Variants in XRCC1 observed in about 807,000 individuals in gnomAD.
XRCC1 encodes DNA repair protein XRCC1.
Under a neutral mutation model 83.3 loss-of-function variants are expected in XRCC1, and 52 were observed. The observed-to-expected ratio is 0.62, with a 90% confidence interval of 0.50 to 0.79. The LOEUF (loss-of-function observed/expected upper bound fraction) is 0.79. XRCC1 is among the 30% of genes least tolerant of loss of function. The pLI, the probability that XRCC1 is intolerant of heterozygous loss-of-function variation, is 0.00. For missense variants in XRCC1, 793 were observed against 823.5 expected, an observed-to-expected ratio of 0.96 and a Z score of 0.45; for synonymous variants, 281 against 312.6, an observed-to-expected ratio of 0.90 and a Z score of 1.07.
intron 2 of XRCC1, among the ~76,000 whole-genome samples, chr19:43,562,387 C>T (rs534376943): frequency 2.6e-5 from 4 of 152,068 alleles, no homozygotes; most frequent in South Asian, 2.1e-4. Context: ...CCTTGGGTGA[C>T]GTATTCAACG....
rs1235431712 is a variant in XRCC1 at position 43,548,055 on chromosome 19, G to GCCC, written c.1200-1079_1200-1078insGGG. 4.1e-4 allele frequency among the ~76,000 whole-genome samples: 57 copies of GCCC among 140,654 alleles called. 3 individuals carry two copies. The highest frequency in any genetic ancestry group is 9.0e-4 in the East Asian group (4 of 4,420). 92.3% of individuals were successfully genotyped at this position (140,654 alleles called of 152,430 possible). On this transcript the variant is annotated intron_variant, in intron 10 of 16. Transcript: ENST00000262887. The stretch of plus-strand genomic sequence containing the variant: ...CGTCCGGGAGGGAGGTGGGGGGCCA[G>GCCC]CCGCCCCGTCGGGGGGGAGGTGGGG...
In XRCC1 at chr19:43,552,000, G is replaced by C. The variant is rs745618458; in HGVS notation, c.1082+17C>G. On this transcript the variant is annotated intron_variant, in intron 9 of 16. Transcript: ENST00000262887. Reference sequence around the variant, plus strand: ...GGGAGAAACTGCAGCGGCGCAGGGAGGGGGGCGCAAGCCTACATGAGGTGC... The same window carrying C: ...GGGAGAAACTGCAGCGGCGCAGGGACGGGGGCGCAAGCCTACATGAGGTGC... 2 of 1,609,814 alleles carry C rather than the reference G, an allele frequency of 1.2e-6. No homozygotes were observed. The highest frequency in any genetic ancestry group is 4.5e-5 in the East Asian group (2 of 44,844).
intron 8 of XRCC1, among the ~76,000 whole-genome samples, chr19:43,552,548 A>G (rs3213364): frequency 3.5e-3 from 298 of 84,810 alleles, no homozygotes; most frequent in African/African-American, 0.012. Flanking sequence ...CAGGCCCCCA[A>G]CCCCTCCTCT....
intron 8 of XRCC1, 148 bp downstream of exon 8, chr19:43,552,649 C>T: frequency 2.6e-6 from 2 of 760,024 alleles, no homozygotes; most frequent in Non-Finnish European, 4.1e-6. Context: ...TTCAGGAATC[C>T]AGGCCCCCAG....
chr19:43,560,773 G>A lies in XRCC1; in HGVS notation c.255+137C>T, dbSNP rs1485786947. ...GCCTTCTGTCTCCTCCGTACACTGG[G>A]TGATCCTCCAGAGGGCAGCAATCAG... On this transcript the variant is annotated intron_variant, in intron 3 of 16. Transcript: ENST00000262887. The A allele has an allele frequency of 8.4e-6, 6 of 710,376 alleles. No individual in the cohort carries two copies. The Admixed American group carries it at 1.2e-4, about 15-fold the overall frequency. The allele number at this position is 710,376 out of a possible 1,614,324, so 44.0% of individuals were successfully genotyped here. A position where few individuals can be genotyped will look rare whatever the true frequency, so the allele number is the denominator to read the frequency against.
intron 10 of XRCC1, among the ~76,000 whole-genome samples, chr19:43,547,685 A>C (rs1972527043): frequency 6.6e-6 from 1 of 151,656 alleles, no homozygotes; most frequent in Admixed American, 6.6e-5. Flanking sequence ...TTTTAAGTAC[A>C]TACGAGGTTT....
At chr19:43,562,546 C>T (rs1407337758) in intron 2 of XRCC1, among the ~76,000 whole-genome samples, 1 of 152,084 alleles carries the variant, frequency 6.6e-6, no homozygotes, top group Non-Finnish European at 1.5e-5. Context: ...GAGTTCAAGA[C>T]CAGCCTGGGC....
chr19:43,573,337 T>C (rs1972823022), intron 2 of XRCC1, among the ~76,000 whole-genome samples: 1 of 152,164 alleles, frequency 6.6e-6, no homozygotes, highest in African/African-American at 2.4e-5. Context: ...GCAAATGTTC[T>C]CATGGCATAT....
chr19:43,574,664 AC>A (rs1972836676), intron 2 of XRCC1: 5 of 485,492 alleles, frequency 1.0e-5, no homozygotes, highest in Non-Finnish European at 1.9e-5. Flanking sequence ...GGAAACTGGA[AC>A]CCAGAAAGTA....
At chr19:43,567,960 C>T (rs975242439) in intron 2 of XRCC1, among the ~76,000 whole-genome samples, 5 of 151,236 alleles carry the variant, frequency 3.3e-5, no homozygotes, top group East Asian at 2.0e-4. Context: ...CTGCAACCTC[C>T]GCCTCCCGGG....
At chr19:43,571,031 T>C (rs1369570688) in intron 2 of XRCC1, among the ~76,000 whole-genome samples, 1 of 152,214 alleles carries the variant, frequency 6.6e-6, no homozygotes, top group Non-Finnish European at 1.5e-5. Context: ...ATTGTCAACA[T>C]GGAGCCAGCA....
In XRCC1 at chr19:43,544,240, GGA is replaced by G. The variant is rs750053925; in HGVS notation, c.1622-8_1622-7del. The G allele has an allele frequency of 2.5e-6, 4 of 1,603,826 alleles. No homozygotes were observed. In the South Asian group the frequency reaches 3.4e-5, roughly 13 times the overall value. On this transcript the variant is annotated splice_region_variant and splice_polypyrimidine_tract_variant and intron_variant, in intron 14 of 16. Transcript: ENST00000262887. ...GTGCTTGCCCTGGAAGAAATCTGCA[GGA>G]GAGAAGGGGGCTAAGGTAAGCATGA...
chr19:43,567,643 A>C (rs1256423500), intron 2 of XRCC1, among the ~76,000 whole-genome samples: 1 of 151,970 alleles, frequency 6.6e-6, no homozygotes, highest in African/African-American at 2.4e-5. Flanking sequence ...TAAAACAGTA[A>C]ATTTTATGTG....
rs1421973740 is a variant in XRCC1 at position 43,544,227 on chromosome 19, G to T, written c.1629C>A (p.Phe543Leu). ...CGTAAAGAAAGAAGTGCTTGCCCTGGAAGAAATCTGCAGGAGAGAAGGGGG... is the reference window on the plus strand; with the variant it reads ...CGTAAAGAAAGAAGTGCTTGCCCTGTAAGAAATCTGCAGGAGAGAAGGGGG... ...DLPVPELPDF[F>L]QGKHFFLYGE... Residue 543 changes from phenylalanine to leucine, a missense_variant, in exon 15 of 17, where the codon TTC becomes TTA. Phe to Leu is a conservative substitution (Grantham distance 22, BLOSUM62 0). Transcript: ENST00000262887. The T allele has an allele frequency of 1.2e-6, 2 of 1,608,326 alleles. No individual in the cohort carries two copies. Among genetic ancestry groups the T allele is most frequent in the African/African-American group, 2.7e-5 (2 of 74,848 alleles).
At chr19:43,552,298 T>G (rs1197314760) in intron 8 of XRCC1, 23 bp from the exon 9 acceptor site, 3 of 1,545,820 alleles carry the variant, frequency 1.9e-6, no homozygotes. Flanking sequence ...AAGAGTAGAT[T>G]AGGTTAGCAC....
At chr19:43,547,401 G>T (rs1011517222) in intron 10 of XRCC1, among the ~76,000 whole-genome samples, 1 of 151,584 alleles carries the variant, frequency 6.6e-6, no homozygotes, top group African/African-American at 2.4e-5. Context: ...GGCCAGGATG[G>T]TCTCGATCTC....
chr19:43,545,354 T>C (rs919115998), intron 14 of XRCC1, among the ~76,000 whole-genome samples: 4 of 152,182 alleles, frequency 2.6e-5, no homozygotes, highest in African/African-American at 7.2e-5. Context: ...AAACACACAA[T>C]GTGTGCAGAC....
intron 2 of XRCC1, among the ~76,000 whole-genome samples, chr19:43,573,147 T>A (rs1393681250): frequency 6.6e-6 from 1 of 152,058 alleles, no homozygotes; most frequent in East Asian, 1.9e-4. Context: ...TTACCCAGGC[T>A]GGTCTCAAAC....
rs1417449158 is a variant in XRCC1, at chr19:43,554,770, G to A, written c.290C>T (p.Ser97Phe). The change falls in exon 4 of 17, where the codon TCC becomes TTC. Residue 97 changes from serine to phenylalanine, a missense_variant. Coordinates refer to ENST00000262887, the MANE Select transcript of XRCC1 (RefSeq NM_006297.3). The part of the protein sequence containing the change: ...LLVTSSFMSP[S>F]ESRSGSNPNR... ...GGGGTTTGAGCCACTGCGGCTCTCG[G>A]AAGGGGACATGAAAGATGAGGTGAC... 8 of 1,613,756 alleles carry A rather than the reference G, an allele frequency of 5.0e-6. No individual in the cohort carries two copies. The highest frequency in any genetic ancestry group is 6.8e-6 in the Non-Finnish European group (8 of 1,179,732).
Sources: allele counts gnomAD v4.1 joint callset (sites outside exome capture counted in the v4.1 genomes callset), GRCh38; gene constraint gnomAD v4.1.1; transcripts MANE v1.5; gene names NCBI Gene and HGNC (gene_info 2026-07-23, HGNC 2026-07-21).